The following TTC7B variants were observed in gnomAD, a reference collection of about 807,000 sequenced individuals.
TTC7B encodes tetratricopeptide repeat protein 7B.
A neutral mutation model predicts 106.8 loss-of-function variants in TTC7B; 28 were observed. That is an observed-to-expected ratio of 0.26 (90% CI 0.19 to 0.36). TTC7B has a LOEUF of 0.36. Among genes scored for constraint, TTC7B ranks in the 10% least tolerant of loss-of-function variants. The pLI, the probability that TTC7B is intolerant of heterozygous loss-of-function variation, is 1.00. For synonymous variants in TTC7B, 405 were observed against 430.6 expected, an observed-to-expected ratio of 0.94 and a Z score of 0.74; for missense variants, 862 against 1,076.4, an observed-to-expected ratio of 0.80 and a Z score of 2.79.
At chr14:90,744,400 A>T (rs1038383276) in intron 4 of TTC7B, among the ~76,000 whole-genome samples, 4 of 151,932 alleles carry the variant, frequency 2.6e-5, no homozygotes, top group Non-Finnish European at 1.5e-5. Context: ...TGCAACCTCC[A>T]TCTCCTGGGT....
intron 3 of TTC7B, among the ~76,000 whole-genome samples, chr14:90,764,051 C>T (rs1018046321): frequency 6.6e-6 from 1 of 152,128 alleles, no homozygotes; most frequent in African/African-American, 2.4e-5. Context: ...ACTCCCCAAA[C>T]TCAAAACTTA....
intron 5 of TTC7B, among the ~76,000 whole-genome samples, chr14:90,705,475 A>C (rs1888168256): frequency 6.6e-6 from 1 of 152,178 alleles, no homozygotes; most frequent in African/African-American, 2.4e-5. Context: ...CTGGGTTCCC[A>C]GGGCAGGGAT....
intron 15 of TTC7B, among the ~76,000 whole-genome samples, chr14:90,636,262 C>T (rs549030444): frequency 1.3e-5 from 2 of 151,740 alleles, no homozygotes; most frequent in East Asian, 1.9e-4. Context: ...ATGTATGTGG[C>T]CATATGTATA....
chr14:90,670,949 A>AG (rs1886609150), intron 9 of TTC7B, among the ~76,000 whole-genome samples: 1 of 152,236 alleles, frequency 6.6e-6, no homozygotes, highest in African/African-American at 2.4e-5. Flanking sequence ...ACCAAAGGAA[A>AG]GGGGGCAGGA....
chr14:90,793,175 C>A (rs1339433319), intron 1 of TTC7B, among the ~76,000 whole-genome samples: 1 of 152,108 alleles, frequency 6.6e-6, no homozygotes, highest in Non-Finnish European at 1.5e-5. Context: ...TACCTTCCAC[C>A]ATGACTGTGA....
rs1407788133 is a variant in TTC7B at position 90,525,981 on chromosome 14, AAT to A, written c.*15385_*15386del. The A allele has an allele frequency of 6.6e-6, 1 of 151,432 alleles. No homozygotes were observed. The highest frequency in any genetic ancestry group is 2.4e-5 in the African/African-American group (1 of 41,052). The allele number at this position is 151,432 out of a possible 1,614,324, so 9.4% of individuals were successfully genotyped here. ...TTAAAAAATAAAAAAAAATAAAAAAAATAAAAAAAAAAAAGAAGTCTTTGTAT... is the reference window on the plus strand; with the variant it reads ...TTAAAAAATAAAAAAAAATAAAAAAAAAAAAAAAAAAAGAAGTCTTTGTAT... On this transcript the variant is annotated 3_prime_UTR_variant, in exon 20 of 20. Coordinates refer to ENST00000328459, the MANE Select transcript of TTC7B (RefSeq NM_001010854.2).
Position 90,805,892 on chromosome 14 carries a change from G to A in TTC7B, c.121+10283C>T, listed in dbSNP as rs2030576721. The stretch of plus-strand genomic sequence containing the variant: ...GCCTCCTTGATCCCCCGGGGAAGGT[G>A]GGGCTGTGGCCTTTGCCTCTGGAAG... On this transcript the variant is annotated intron_variant, in intron 1 of 19. Coordinates refer to ENST00000328459, the MANE Select transcript of TTC7B (RefSeq NM_001010854.2). This position sits in a 1 kb window ranked among gnomAD's most constrained non-coding sequence, Gnocchi z 4.0. Among the ~76,000 whole-genome samples the A allele has an allele frequency of 6.6e-6, 1 of 152,202 alleles. No homozygotes were observed. Among genetic ancestry groups the A allele is most frequent in the African/African-American group, 2.4e-5 (1 of 41,452 alleles).
At chr14:90,644,263 A>G (rs906559945) in intron 14 of TTC7B, 55 bp from the exon 15 acceptor site, 4 of 1,292,566 alleles carry the variant, frequency 3.1e-6, no homozygotes, top group Non-Finnish European at 4.1e-6. Context: ...ACACGCACAC[A>G]CACACACACA....
chr14:90,753,052 C>CT (rs771576750), intron 3 of TTC7B, among the ~76,000 whole-genome samples: 2 of 152,150 alleles, frequency 1.3e-5, no homozygotes, highest in African/African-American at 2.4e-5. Flanking sequence ...CTGTACAAGT[C>CT]TAAGAGACTA....
chr14:90,792,848 T>C (rs1891633613), intron 1 of TTC7B, among the ~76,000 whole-genome samples: 1 of 151,986 alleles, frequency 6.6e-6, no homozygotes, highest in South Asian at 2.1e-4. Context: ...ACAGAAGGAA[T>C]AGAATATGCA....
rs1889168332 is a variant in TTC7B, at chr14:90,727,857, A to G, written c.698+2218T>C. On this transcript the variant is annotated intron_variant, in intron 5 of 19. Coordinates refer to ENST00000328459, the MANE Select transcript of TTC7B (RefSeq NM_001010854.2). ...AAACTGCAGAAGAGCAAAAGGAGTG[A>G]GACAACTGGGAGCAAGTACCTCACA... 2.0e-5 allele frequency among the ~76,000 whole-genome samples: 3 copies of G among 152,228 alleles called. No individual in the cohort carries two copies. The South Asian group carries it at 6.2e-4, about 31-fold the overall frequency.
chr14:90,756,948 T>C (rs1404852319), intron 3 of TTC7B, among the ~76,000 whole-genome samples: 1 of 152,086 alleles, frequency 6.6e-6, no homozygotes. Flanking sequence ...TCTCTAAATA[T>C]AAACAGGAAG....
chr14:90,561,668 T>C lies in TTC7B; in HGVS notation c.2310+16438A>G, dbSNP rs142941339. Among the ~76,000 whole-genome samples the C allele has an allele frequency of 3.4e-3, 520 of 152,330 alleles. 3 individuals are homozygous for C. The highest frequency in any genetic ancestry group is 0.011 in the African/African-American group (477 of 41,580). ...GCCCAAGGGCCCCAGCTCCTCCCTG[T>C]GGAAGCCGTTTCTAATTCAAGCCAC... On this transcript the variant is annotated intron_variant, in intron 19 of 19. Transcript: ENST00000328459.
intron 15 of TTC7B, among the ~76,000 whole-genome samples, chr14:90,621,388 G>A (rs1884174127): frequency 1.3e-5 from 2 of 151,638 alleles, no homozygotes; most frequent in African/African-American, 4.9e-5. Context: ...GTACGGCCGG[G>A]ACGATGGGCA....
chr14:90,617,793 T>A (rs536769801), intron 16 of TTC7B, 136 bp downstream of exon 16: 41 of 681,118 alleles, frequency 6.0e-5, no homozygotes, highest in Non-Finnish European at 1.1e-4. Flanking sequence ...TCCACTGCTA[T>A]CATCTGCCAC....
intron 18 of TTC7B, among the ~76,000 whole-genome samples, chr14:90,584,100 T>C (rs2139811870): frequency 1.3e-5 from 2 of 152,298 alleles, no homozygotes; most frequent in African/African-American, 4.8e-5. Flanking sequence ...CCAACCCTCC[T>C]GCAGGGCTGG....
At chr14:90,699,427 A>G (rs536748838) in intron 5 of TTC7B, 1 of 343,316 alleles carries the variant, frequency 2.9e-6, no homozygotes, top group African/African-American at 2.2e-5. Flanking sequence ...GGAAAAGACA[A>G]TTCTTCCCTT....
intron 1 of TTC7B, among the ~76,000 whole-genome samples, chr14:90,804,266 G>A (rs1362040088): frequency 2.0e-5 from 3 of 151,948 alleles, no homozygotes; most frequent in South Asian, 2.1e-4. Flanking sequence ...CCCGGGAGGC[G>A]GAGCTTGCAG....
rs77149679 is a variant in TTC7B, at chr14:90,633,639, T to C, written c.1751+10409A>G. 6.8e-3 allele frequency among the ~76,000 whole-genome samples: 1,037 copies of C among 152,324 alleles called. 11 individuals are homozygous for C. The highest frequency in any genetic ancestry group is 0.023 in the African/African-American group (967 of 41,556). On this transcript the variant is annotated intron_variant, in intron 15 of 19. Coordinates refer to ENST00000328459, the MANE Select transcript of TTC7B (RefSeq NM_001010854.2). The stretch of plus-strand genomic sequence containing the variant: ...AAGCTCTCGACCAACAGTGCCTCAT[T>C]GCCATTGGGAGAGACAATTATGTAC...
Sources: allele counts gnomAD v4.1 joint callset (sites outside exome capture counted in the v4.1 genomes callset), GRCh38; gene constraint gnomAD v4.1.1; non-coding constraint Gnocchi (gnomAD v3.1); transcripts MANE v1.5; gene names NCBI Gene and HGNC (gene_info 2026-07-23, HGNC 2026-07-21).